SRGAP3: variants seen among roughly 807,000 people sequenced by gnomAD.
The protein encoded by SRGAP3 is SLIT-ROBO Rho GTPase activating protein 3, also known as SLIT-ROBO Rho GTPase-activating protein 3.
In SRGAP3, 39 loss-of-function variants were observed where a neutral mutation model predicts 121.1. That is an observed-to-expected ratio of 0.32 (90% CI 0.25 to 0.42). The LOEUF (loss-of-function observed/expected upper bound fraction) is 0.42, where lower values mean the gene tolerates loss of function less well. Ranked by LOEUF, SRGAP3 falls within the 10% of genes least tolerant of loss-of-function variation. The probability of loss-of-function intolerance (pLI) is 1.00; values close to 1 mark genes in which losing one functional copy is unlikely to be tolerated. For synonymous variants in SRGAP3, 601 were observed against 570.0 expected (o/e 1.05, Z -0.77); for missense variants, 1,213 against 1,470.6 (o/e 0.82, Z 2.86).
rs1454308113 is a variant in SRGAP3, at chr3:9,111,921, T to A, written c.261-7079A>T. On this transcript the variant is annotated intron_variant, in intron 2 of 21. Coordinates refer to ENST00000383836, the MANE Select transcript of SRGAP3 (RefSeq NM_014850.4). Reference sequence around the variant, plus strand: ...ACGTTAGAAATTTTGCATATGTATGTATCTATTTTCTTTTTTTATGGCCAG... The same window carrying A: ...ACGTTAGAAATTTTGCATATGTATGAATCTATTTTCTTTTTTTATGGCCAG... 2.6e-5 allele frequency among the ~76,000 whole-genome samples: 4 copies of A among 152,220 alleles called. No homozygotes were observed. In the East Asian group the frequency reaches 7.7e-4, roughly 29 times the overall value.
chr3:9,188,880 A>G (rs754339617), intron 1 of SRGAP3, among the ~76,000 whole-genome samples: 1 of 152,192 alleles, frequency 6.6e-6, no homozygotes, highest in Non-Finnish European at 1.5e-5. Context: ...TTCTCTCCAC[A>G]TTGGGAATTC....
intron 1 of SRGAP3, among the ~76,000 whole-genome samples, chr3:9,350,943 G>A (rs1056561198): frequency 1.8e-4 from 27 of 152,284 alleles, no homozygotes; most frequent in African/African-American, 6.5e-4. Context: ...GGGGTTGGCA[G>A]GTGAGTTCTG....
Position 8,985,456 on chromosome 3 carries a change from C to A in SRGAP3, c.*63G>T. The A allele has an allele frequency of 6.3e-7, 1 of 1,590,128 alleles. No individual in the cohort carries two copies. The stretch of plus-strand genomic sequence containing the variant: ...GTCACTGGGAAGCACGTGGAAGCCA[C>A]CAAGGCCACCCTGGGCCGTGGTGAG... On this transcript the variant is annotated 3_prime_UTR_variant, in exon 22 of 22. Coordinates refer to ENST00000383836, the MANE Select transcript of SRGAP3 (RefSeq NM_014850.4). The surrounding 1 kb of genome is among the most constrained non-coding windows in gnomAD (Gnocchi z 5.1).
In SRGAP3 at chr3:9,048,044, A is replaced by G. The variant is rs180904801; in HGVS notation, c.1324-569T>C. On this transcript the variant is annotated intron_variant, in intron 9 of 21. Coordinates refer to ENST00000383836, the MANE Select transcript of SRGAP3 (RefSeq NM_014850.4). ...GGTGATAAGATTTTCTTCTTTGTAC[A>G]GATGAGAAAAATGAAGCTTGCACCA... Among the ~76,000 whole-genome samples the G allele has an allele frequency of 2.7e-3, 410 of 152,362 alleles. 1 individual carries two copies. The highest frequency in any genetic ancestry group is 4.7e-3 in the Non-Finnish European group (323 of 68,026).
chr3:9,254,817 A>AAG (rs200376937), intron 3 of SRGAP3, among the ~76,000 whole-genome samples: 47 of 145,886 alleles, frequency 3.2e-4, no homozygotes, highest in Non-Finnish European at 4.5e-4. Context: ...AAGAAAGAAA[A>AAG]AGAGAGAGAG....
At chr3:9,075,051 T>C (rs1946896255) in intron 4 of SRGAP3, among the ~76,000 whole-genome samples, 1 of 152,316 alleles carries the variant, frequency 6.6e-6, no homozygotes. Flanking sequence ...AATATAGAAA[T>C]ATATTGAAAA....
intron 2 of SRGAP3, among the ~76,000 whole-genome samples, chr3:9,119,122 A>G (rs1948911123): frequency 6.6e-6 from 1 of 152,106 alleles, no homozygotes; most frequent in South Asian, 2.1e-4. Context: ...AGACAAGTAA[A>G]CAGACGATGA....
At chr3:9,159,992 C>T (rs1250016246) in intron 1 of SRGAP3, among the ~76,000 whole-genome samples, 1 of 152,114 alleles carries the variant, frequency 6.6e-6, no homozygotes, top group African/African-American at 2.4e-5. Flanking sequence ...GGATGCTTTC[C>T]AAAAAACTAT....
chr3:9,192,374 T>A (rs934587760), intron 1 of SRGAP3: 1 of 152,254 alleles, frequency 6.6e-6, no homozygotes, highest in Non-Finnish European at 1.5e-5. Context: ...ATCGGTTTGA[T>A]TCCAGGCATG....
At position 8,984,755 on chromosome 3, in the gene SRGAP3, G is replaced by C. The variant is rs138155689; in HGVS notation, c.*764C>G. ...ACGGGGGTGGGGATTTCCTATGAAG[G>C]GTTCCCCACCTCTGGGAGCAGCCTG... On this transcript the variant is annotated 3_prime_UTR_variant, in exon 22 of 22. Coordinates refer to ENST00000383836, the MANE Select transcript of SRGAP3 (RefSeq NM_014850.4). The C allele has an allele frequency of 3.6e-4, 84 of 232,168 alleles. No homozygotes were observed. The highest frequency in any genetic ancestry group is 1.8e-3 in the African/African-American group (80 of 45,340). The allele number at this position is 232,168 out of a possible 1,614,324, so 14.4% of individuals were successfully genotyped here. A position where few individuals can be genotyped will look rare whatever the true frequency, so the allele number is the denominator to read the frequency against.
Position 9,186,963 on chromosome 3 carries a change from T to A in SRGAP3, c.67+61922A>T, listed in dbSNP as rs192076611. On this transcript the variant is annotated intron_variant, in intron 1 of 21. Coordinates refer to ENST00000383836, the MANE Select transcript of SRGAP3 (RefSeq NM_014850.4). ...CCTTCAGCAAAAAGTTTTTTGTTTT[T>A]AAAATTTTTTTTATTATACTTTAAA... 7.9e-5 allele frequency among the ~76,000 whole-genome samples: 12 copies of A among 152,312 alleles called. No individual in the cohort carries two copies. In the East Asian group the frequency reaches 2.3e-3, roughly 29 times the overall value.
At chr3:9,047,521 T>C (rs759572524) in intron 9 of SRGAP3, 46 bp from the exon 10 acceptor site, 8 of 1,573,308 alleles carry the variant, frequency 5.1e-6, no homozygotes, top group South Asian at 4.5e-5. Context: ...CAAGGCCGAG[T>C]AATGGGATCT....
At position 9,296,729 on chromosome 3, in the gene SRGAP3, C is replaced by A. The variant is rs550923169; in HGVS notation, n.442+29281G>T. ...CATATGTAAAATAGGAAACATAATACTACCAAATAGATTTATTGTGAGAAT... is the reference window on the plus strand; with the variant it reads ...CATATGTAAAATAGGAAACATAATAATACCAAATAGATTTATTGTGAGAAT... On this transcript the variant is annotated intron_variant and non_coding_transcript_variant, in intron 3 of 3. Coordinates refer to the SRGAP3 transcript ENST00000490889. Among the ~76,000 whole-genome samples the A allele has an allele frequency of 7.9e-5, 12 of 152,332 alleles. 1 individual carries two copies. The highest frequency in any genetic ancestry group is 1.3e-4 in the Non-Finnish European group (9 of 68,030).
intron 3 of SRGAP3, among the ~76,000 whole-genome samples, chr3:9,268,884 A>C (rs1224198800): frequency 6.6e-6 from 1 of 152,096 alleles, no homozygotes; most frequent in Non-Finnish European, 1.5e-5. Flanking sequence ...AGAAGTTCTG[A>C]TATAGGTGCC....
At chr3:9,171,812 C>T (rs1433768748) in intron 1 of SRGAP3, among the ~76,000 whole-genome samples, 2 of 152,032 alleles carry the variant, frequency 1.3e-5, no homozygotes, top group Non-Finnish European at 2.9e-5. Flanking sequence ...GACTGAGTGA[C>T]TTAAGCAGCC....
At chr3:9,172,440 C>T (rs376660060) in intron 1 of SRGAP3, among the ~76,000 whole-genome samples, 15 of 152,290 alleles carry the variant, frequency 9.8e-5, no homozygotes, top group East Asian at 1.9e-4. Flanking sequence ...TCTGTAAAGA[C>T]GCTATTTCCA....
intron 1 of SRGAP3, among the ~76,000 whole-genome samples, chr3:9,334,521 T>C (rs997142882): frequency 2.0e-5 from 3 of 152,192 alleles, no homozygotes; most frequent in Non-Finnish European, 2.9e-5. Flanking sequence ...ATGGATACTA[T>C]GGAAACAGAG....
intron 1 of SRGAP3, among the ~76,000 whole-genome samples, chr3:9,176,718 C>G (rs1951191442): frequency 6.6e-6 from 1 of 152,096 alleles, no homozygotes; most frequent in South Asian, 2.1e-4. Context: ...AAAGCAGAAG[C>G]AAGTGGGGGG....
exon 1 of SRGAP3, chr3:9,362,959 T>G (rs1473349151): frequency 6.6e-6 from 1 of 152,224 alleles, no homozygotes; most frequent in Non-Finnish European, 1.5e-5. Context: ...GCACACAGCT[T>G]CCAGCGCATG....
Sources: gnomAD v4.1 joint callset for allele counts (sites outside exome capture counted in the v4.1 genomes callset) on GRCh38, gnomAD v4.1.1 for gene constraint, Gnocchi (gnomAD v3.1) non-coding constraint, MANE v1.5 for transcripts, NCBI Gene and HGNC (gene_info 2026-07-23, HGNC 2026-07-21) for gene names.